Variants in PCDHGA8 observed in about 807,000 individuals in gnomAD.
The protein encoded by PCDHGA8 is protocadherin gamma subfamily A, 8.
PCDHGA8 carries 45 observed loss-of-function variants against 59.2 expected under a neutral mutation model. That is an observed-to-expected ratio of 0.76 (90% CI 0.60 to 0.98). The LOEUF (loss-of-function observed/expected upper bound fraction) is 0.98, where lower values mean the gene tolerates loss of function less well. Ranked by LOEUF, PCDHGA8 falls within the 50% of genes least tolerant of loss-of-function variation. The probability of loss-of-function intolerance (pLI) is 0.00; values close to 1 mark genes in which losing one functional copy is unlikely to be tolerated. For missense variants in PCDHGA8, 1,257 were observed against 1,196.2 expected (o/e 1.05, Z -0.75); for synonymous variants, 531 against 519.0 (o/e 1.02, Z -0.32).
chr5:141,420,318 T>C, intron 1 of PCDHGA8: 1 of 1,446,376 alleles, frequency 6.9e-7, no homozygotes, highest in Non-Finnish European at 9.3e-7. Context: ...TATTACAATA[T>C]GCCAATATAT....
chr5:141,465,606 T>C (rs192541390), intron 1 of PCDHGA8, among the ~76,000 whole-genome samples: 22 of 152,338 alleles, frequency 1.4e-4, no homozygotes, highest in African/African-American at 5.3e-4. Context: ...TATCACTCTT[T>C]GGCCCTCCAG....
At chr5:141,418,185 T>C in intron 1 of PCDHGA8, 1 of 1,614,058 alleles carries the variant, frequency 6.2e-7, no homozygotes, top group Non-Finnish European at 8.5e-7. Flanking sequence ...TTGGAAGCTG[T>C]GGTGGAAAAT....
In PCDHGA8 at chr5:141,393,428, G is replaced by A. The variant is rs1043256482; in HGVS notation, c.615G>A (p.Glu205=). The A allele has an allele frequency of 1.2e-6, 2 of 1,614,042 alleles. No individual in the cohort carries two copies. Among genetic ancestry groups the A allele is most frequent in the Admixed American group, 1.7e-5 (1 of 60,022 alleles). The change falls in exon 1 of 4, where the codon GAG becomes GAA. Residue 205 remains glutamate, a synonymous_variant. Coordinates refer to ENST00000398604, the MANE Select transcript of PCDHGA8 (RefSeq NM_032088.2). ...VLERALDREE[E]AAHHLVLTAS... is the part of the protein sequence containing the mutation. ...AGCGCGCCCTGGACAGGGAGGAAGA[G>A]GCTGCTCACCACCTGGTCCTCACGG... is the stretch of plus-strand genomic sequence containing the variant.
At chr5:141,466,827 T>C (rs1414741980) in intron 1 of PCDHGA8, among the ~76,000 whole-genome samples, 1 of 152,194 alleles carries the variant, frequency 6.6e-6, no homozygotes, top group Admixed American at 6.5e-5. Context: ...AACAAGTTAG[T>C]ATGGGTTTAT....
chr5:141,485,118 G>C lies in PCDHGA8; in HGVS notation c.2425-9689G>C, dbSNP rs547390669. 1 of 1,331,536 alleles carries C rather than the reference G, an allele frequency of 7.5e-7. No homozygotes were observed. Among genetic ancestry groups the C allele is most frequent in the East Asian group, 2.3e-5 (1 of 43,534 alleles). The allele number at this position is 1,331,536 out of a possible 1,614,324, so 82.5% of individuals were successfully genotyped here. On this transcript the variant is annotated intron_variant, in intron 1 of 3. Coordinates refer to ENST00000398604, the MANE Select transcript of PCDHGA8 (RefSeq NM_032088.2). The surrounding 1 kb of genome is among the most constrained non-coding windows in gnomAD (Gnocchi z 5.7). ...TCTCCAGCTGCTGTGGCTGTTTGGG[G>C]CGGGTCGGCTTCATCCGCGTCTCAG...
Position 141,491,713 on chromosome 5 carries a change from G to T in PCDHGA8, c.2425-3094G>T. The T allele has an allele frequency of 6.2e-7, 1 of 1,609,174 alleles. No individual in the cohort carries two copies. The highest frequency in any genetic ancestry group is 8.5e-7 in the Non-Finnish European group (1 of 1,178,054). On this transcript the variant is annotated intron_variant, in intron 1 of 3. Transcript: ENST00000398604. The surrounding 1 kb of genome is among the most constrained non-coding windows in gnomAD (Gnocchi z 6.9). ...GGAGCGGAGCCAGGTGAGGGGCTCG[G>T]CGCCGCCCCGGGCGACCCCTGGGGG...
chr5:141,487,004 C>G lies in PCDHGA8; in HGVS notation c.2425-7803C>G. 1 of 1,614,224 alleles carries G rather than the reference C, an allele frequency of 6.2e-7. No homozygotes were observed. The highest frequency in any genetic ancestry group is 1.1e-5 in the South Asian group (1 of 91,086). On this transcript the variant is annotated intron_variant, in intron 1 of 3. Transcript: ENST00000398604. This position sits in a 1 kb window ranked among gnomAD's most constrained non-coding sequence, Gnocchi z 5.0. ...CAATGCTTGGGTTTCCTATCAGCTC[C>G]TGGAGGCCCCAGATCCCAGCCTGTT...
chr5:141,490,331 C>G lies in PCDHGA8; in HGVS notation c.2425-4476C>G. 6.2e-7 allele frequency: 1 copy of G among 1,614,214 alleles called. No individual in the cohort carries two copies. The highest frequency in any genetic ancestry group is 1.1e-5 in the South Asian group (1 of 91,086). The stretch of plus-strand genomic sequence containing the variant: ...GCCAACCCTGTCCTAGAGAGCACAC[C>G]AGTGGGCACAGTAGTGGGGTTGTTT... On this transcript the variant is annotated intron_variant, in intron 1 of 3. Transcript: ENST00000398604. This position sits in a 1 kb window ranked among gnomAD's most constrained non-coding sequence, Gnocchi z 5.4.
chr5:141,410,835 T>C (rs1360836957), intron 1 of PCDHGA8: 2 of 490,228 alleles, frequency 4.1e-6, no homozygotes, highest in Admixed American at 4.0e-5. Context: ...AGACTGAAGA[T>C]ATTTTGTCTT....
In PCDHGA8 at chr5:141,432,661, C is replaced by T; in HGVS notation, c.2424+37424C>T. ...TGCGCACGGCGCGAGCCCTGCTGGACAGAGACGCGCTCAAGCAGAGCCTCG... is the reference window on the plus strand; with the variant it reads ...TGCGCACGGCGCGAGCCCTGCTGGATAGAGACGCGCTCAAGCAGAGCCTCG... On this transcript the variant is annotated intron_variant, in intron 1 of 3. Transcript: ENST00000398604. This position sits in a 1 kb window ranked among gnomAD's most constrained non-coding sequence, Gnocchi z 6.0. 3.1e-6 allele frequency: 5 copies of T among 1,613,886 alleles called. No homozygotes were observed. In the South Asian group the frequency reaches 5.5e-5, roughly 18 times the overall value.
At chr5:141,425,491 C>G (rs1243033082) in intron 1 of PCDHGA8, among the ~76,000 whole-genome samples, 1 of 152,200 alleles carries the variant, frequency 6.6e-6, no homozygotes, top group Non-Finnish European at 1.5e-5. Context: ...ACCTACTAGG[C>G]TATACCTTTA....
intron 1 of PCDHGA8, chr5:141,408,864 C>T: frequency 1.2e-6 from 2 of 1,613,638 alleles, no homozygotes; most frequent in Non-Finnish European, 8.5e-7. Context: ...GGGGACCCAC[C>T]AAGAAGTGCC....
chr5:141,438,659 T>C (rs1290256383), intron 1 of PCDHGA8, among the ~76,000 whole-genome samples: 1 of 141,194 alleles, frequency 7.1e-6, no homozygotes, highest in East Asian at 2.1e-4. Flanking sequence ...CACATATATG[T>C]ATATATATAT....
intron 1 of PCDHGA8, chr5:141,409,901 C>G: frequency 6.2e-7 from 1 of 1,613,264 alleles, no homozygotes; most frequent in Non-Finnish European, 8.5e-7. Context: ...GTACCCAGCT[C>G]TGGGTCCTGA....
intron 1 of PCDHGA8, chr5:141,414,139 G>T: frequency 6.3e-7 from 1 of 1,596,506 alleles, no homozygotes; most frequent in Non-Finnish European, 8.5e-7. Flanking sequence ...CTATGAAATA[G>T]AAATACAAGC....
At position 141,491,969 on chromosome 5, in the gene PCDHGA8, C is replaced by A; in HGVS notation, c.2425-2838C>A. ...CCCCTACACTCAAAAAAGGCCGGGGCCTCCTTCGAGCTTCCGGTGAATTTC... is the reference window on the plus strand; with the variant it reads ...CCCCTACACTCAAAAAAGGCCGGGGACTCCTTCGAGCTTCCGGTGAATTTC... On this transcript the variant is annotated intron_variant, in intron 1 of 3. Coordinates refer to ENST00000398604, the MANE Select transcript of PCDHGA8 (RefSeq NM_032088.2). The surrounding 1 kb of genome is among the most constrained non-coding windows in gnomAD (Gnocchi z 6.9). 1 of 898,714 alleles carries A rather than the reference C, an allele frequency of 1.1e-6. No individual in the cohort carries two copies. Among genetic ancestry groups the A allele is most frequent in the Non-Finnish European group, 1.6e-6 (1 of 629,384 alleles). 55.7% of individuals were successfully genotyped at this position (898,714 alleles called of 1,614,324 possible). A position where few individuals can be genotyped will look rare whatever the true frequency, so the allele number is the denominator to read the frequency against.
Position 141,432,442 on chromosome 5 carries a change from G to A in PCDHGA8, c.2424+37205G>A. 1 of 1,614,228 alleles carries A rather than the reference G, an allele frequency of 6.2e-7. No individual in the cohort carries two copies. Among genetic ancestry groups the A allele is most frequent in the Non-Finnish European group, 8.5e-7 (1 of 1,180,042 alleles). On this transcript the variant is annotated intron_variant, in intron 1 of 3. Transcript: ENST00000398604. The surrounding 1 kb of genome is among the most constrained non-coding windows in gnomAD (Gnocchi z 6.0). ...TGGACCAGAACGACAATGCGCCCGA[G>A]ATCCTGTACCCCGCCCTCCCCACGG...
chr5:141,490,956 A>T lies in PCDHGA8; in HGVS notation c.2425-3851A>T. 1.2e-6 allele frequency: 2 copies of T among 1,613,828 alleles called. No homozygotes were observed. The highest frequency in any genetic ancestry group is 1.7e-6 in the Non-Finnish European group (2 of 1,179,852). ...TGCTGCACCCACGGCCAGACTGGGA[A>T]CACTCAGCCCCCCAGCGTCTCCCTC... On this transcript the variant is annotated intron_variant, in intron 1 of 3. Transcript: ENST00000398604. The surrounding 1 kb of genome is among the most constrained non-coding windows in gnomAD (Gnocchi z 5.4).
intron 1 of PCDHGA8, chr5:141,408,377 C>A: frequency 6.2e-7 from 1 of 1,614,020 alleles, no homozygotes; most frequent in Non-Finnish European, 8.5e-7. Flanking sequence ...GCTCAGTGTC[C>A]TGGATGTGTC....
Sources: allele counts gnomAD v4.1 joint callset (sites outside exome capture counted in the v4.1 genomes callset), GRCh38; gene constraint gnomAD v4.1.1; non-coding constraint Gnocchi (gnomAD v3.1); transcripts MANE v1.5; gene names NCBI Gene and HGNC (gene_info 2026-07-23, HGNC 2026-07-21).